The following VAV3 variants were observed in gnomAD, a reference collection of about 807,000 sequenced individuals.
The protein encoded by VAV3 is vav guanine nucleotide exchange factor 3.
Under a neutral mutation model 131.2 loss-of-function variants are expected in VAV3, and 94 were observed. That is an observed-to-expected ratio of 0.72 (90% CI 0.61 to 0.85). VAV3 has a LOEUF of 0.85. Among genes scored for constraint, VAV3 ranks in the 40% least tolerant of loss-of-function variants. The probability of loss-of-function intolerance (pLI) is 0.00; values close to 1 mark genes in which losing one functional copy is unlikely to be tolerated. For missense variants in VAV3, 939 were observed against 1,002.7 expected (o/e 0.94, Z 0.86); for synonymous variants, 349 against 342.0 (o/e 1.02, Z -0.22).
intron 2 of VAV3, among the ~76,000 whole-genome samples, chr1:107,789,993 C>T (rs1381836666): frequency 3.3e-5 from 5 of 152,110 alleles, no homozygotes; most frequent in African/African-American, 1.2e-4. Context: ...TTCAGAGCAC[C>T]CAGAACACAA....
intron 1 of VAV3, among the ~76,000 whole-genome samples, chr1:107,897,634 C>T (rs1671655515): frequency 1.3e-5 from 2 of 152,056 alleles, no homozygotes; most frequent in African/African-American, 4.8e-5. Flanking sequence ...CAGGTGCATT[C>T]ACCCTGCCCA....
intron 1 of VAV3, among the ~76,000 whole-genome samples, chr1:107,942,584 T>C (rs1674054707): frequency 6.6e-6 from 1 of 152,176 alleles, no homozygotes; most frequent in Non-Finnish European, 1.5e-5. Flanking sequence ...CATTTCTCCC[T>C]TCATACCTCT....
At chr1:107,640,960 T>C (rs1405866346) in intron 20 of VAV3, among the ~76,000 whole-genome samples, 1 of 152,206 alleles carries the variant, frequency 6.6e-6, no homozygotes, top group East Asian at 1.9e-4. Flanking sequence ...GAATACGGGA[T>C]AAAAAGTCCA....
chr1:107,728,124 T>C (rs1290143587), intron 15 of VAV3, among the ~76,000 whole-genome samples: 2 of 152,132 alleles, frequency 1.3e-5, no homozygotes, highest in South Asian at 2.1e-4. Context: ...ACAGGTCCTA[T>C]TGCTAATATC....
intron 15 of VAV3, among the ~76,000 whole-genome samples, chr1:107,712,011 A>T (rs1660817604): frequency 2.0e-5 from 3 of 152,184 alleles, no homozygotes; most frequent in African/African-American, 7.2e-5. Flanking sequence ...TAAAAGCCGC[A>T]TAGCAAGCTC....
chr1:107,840,732 C>A lies in VAV3; in HGVS notation c.321+34169G>T, dbSNP rs1338737272. 2.6e-5 allele frequency among the ~76,000 whole-genome samples: 4 copies of A among 151,812 alleles called. No homozygotes were observed. In the East Asian group the frequency reaches 5.8e-4, roughly 22 times the overall value. On this transcript the variant is annotated intron_variant, in intron 2 of 26. Transcript: ENST00000370056. Reference sequence around the variant, plus strand: ...GACTAGGAACAAAAAGTAGTTGATACAAAGGAAAAGAAGAGGAGAAAGCAC... The same window carrying A: ...GACTAGGAACAAAAAGTAGTTGATAAAAAGGAAAAGAAGAGGAGAAAGCAC...
At chr1:107,902,178 A>G (rs555493962) in intron 1 of VAV3, among the ~76,000 whole-genome samples, 6 of 152,326 alleles carry the variant, frequency 3.9e-5, no homozygotes, top group African/African-American at 1.4e-4. Context: ...GCTAAAGATG[A>G]ATTCTAACTT....
chr1:107,851,604 A>C (rs538659346), intron 2 of VAV3, among the ~76,000 whole-genome samples: 67 of 152,274 alleles, frequency 4.4e-4, no homozygotes, highest in African/African-American at 1.5e-3. Flanking sequence ...CTTTAAATAC[A>C]CAGGAAGTCA....
Position 107,596,236 on chromosome 1 carries a change from T to G in VAV3, c.2326A>C (p.Arg776=), listed in dbSNP as rs560463720. Residue 776 remains arginine, a synonymous_variant, in exon 25 of 27, where the codon AGG becomes CGG. Transcript: ENST00000370056. ...CAGCTGTTGCCTGCTCTATTACCCCTCTGTCCAGCTGAATGTTCTGGCTCC... is the reference window on the plus strand; with the variant it reads ...CAGCTGTTGCCTGCTCTATTACCCCGCTGTCCAGCTGAATGTTCTGGCTCC... The part of the protein sequence containing the change: ...YKEPEHSAGQ[R]GNRAGNSLLS... The G allele has an allele frequency of 6.2e-7, 1 of 1,613,552 alleles. No individual in the cohort carries two copies. Among genetic ancestry groups the G allele is most frequent in the East Asian group, 2.2e-5 (1 of 44,852 alleles).
At chr1:107,785,387 C>A in intron 2 of VAV3, 1 of 1,278,660 alleles carries the variant, frequency 7.8e-7, no homozygotes, top group Non-Finnish European at 1.0e-6. Context: ...CATACCAGAC[C>A]CAAAAGGAAA....
At chr1:107,715,100 T>A (rs546032931) in intron 15 of VAV3, among the ~76,000 whole-genome samples, 3 of 152,256 alleles carry the variant, frequency 2.0e-5, no homozygotes, top group Admixed American at 2.0e-4. Flanking sequence ...CCATAAACTA[T>A]TCTTTCTATT....
intron 15 of VAV3, among the ~76,000 whole-genome samples, chr1:107,724,150 T>C (rs993128729): frequency 6.6e-6 from 1 of 152,212 alleles, no homozygotes; most frequent in African/African-American, 2.4e-5. Context: ...AATCATAGTA[T>C]TTCATCATAA....
intron 1 of VAV3, among the ~76,000 whole-genome samples, chr1:107,907,593 G>A (rs78998350): frequency 0.028 from 4,285 of 152,086 alleles, 99 homozygotes; most frequent in East Asian, 0.1. Flanking sequence ...CAAAGGAGTG[G>A]ATTCATTACC....
intron 12 of VAV3, among the ~76,000 whole-genome samples, chr1:107,753,590 C>T (rs1176894106): frequency 1.4e-5 from 2 of 145,358 alleles, no homozygotes; most frequent in Admixed American, 6.9e-5. Flanking sequence ...GTCAGAGTCT[C>T]GCTCTGTTGC....
chr1:107,645,607 T>C (rs1371724560), intron 19 of VAV3, among the ~76,000 whole-genome samples: 1 of 152,084 alleles, frequency 6.6e-6, no homozygotes, highest in Non-Finnish European at 1.5e-5. Flanking sequence ...TTGCTAAGAA[T>C]GTGAACACAC....
chr1:107,632,229 T>G (rs1654557381), intron 20 of VAV3, among the ~76,000 whole-genome samples: 1 of 152,152 alleles, frequency 6.6e-6, no homozygotes, highest in African/African-American at 2.4e-5. Flanking sequence ...TCACATTAGA[T>G]TCATCTGGGG....
rs439278 is a variant in VAV3, at chr1:107,873,799, G to C, written c.321+1102C>G. ...CAAGCTGGCAGGCAGCCTGATGCCT[G>C]AGAAGGCTGGTGCCTTCTAGATCAC... On this transcript the variant is annotated intron_variant, in intron 2 of 26. Transcript: ENST00000370056. Among the ~76,000 whole-genome samples the C allele has an allele frequency of 3.3e-4, 50 of 152,018 alleles. 1 individual carries two copies. In the East Asian group the frequency reaches 9.1e-3, roughly 28 times the overall value.
At chr1:107,909,252 CA>C (rs1460423878) in intron 1 of VAV3, among the ~76,000 whole-genome samples, 1 of 152,154 alleles carries the variant, frequency 6.6e-6, no homozygotes, top group Admixed American at 6.5e-5. Flanking sequence ...ACATTTCACA[CA>C]TAGAAAACTA....
At chr1:107,814,302 G>A (rs1424826611) in intron 2 of VAV3, among the ~76,000 whole-genome samples, 6 of 151,796 alleles carry the variant, frequency 4.0e-5, no homozygotes, top group South Asian at 2.1e-4. Flanking sequence ...CCACATTCTC[G>A]CCAGCACCCA....
Sources: allele counts gnomAD v4.1 joint callset (sites outside exome capture counted in the v4.1 genomes callset), GRCh38; gene constraint gnomAD v4.1.1; transcripts MANE v1.5; gene names NCBI Gene and HGNC (gene_info 2026-07-23, HGNC 2026-07-21).